ZNF33B: variants seen among roughly 807,000 people sequenced by gnomAD.
ZNF33B encodes the protein zinc finger protein 11b (KOX 2).
A neutral mutation model predicts 45.8 loss-of-function variants in ZNF33B; 29 were observed. The ratio of observed to expected loss-of-function variants is 0.63; its 90% CI spans 0.47 to 0.86. The LOEUF is 0.86. Among genes scored for constraint, ZNF33B ranks in the 40% least tolerant of loss-of-function variants. ZNF33B has a pLI of 0.00. For missense variants in ZNF33B, 831 were observed against 909.9 expected, an observed-to-expected ratio of 0.91 and a Z score of 1.12; for synonymous variants, 305 against 307.8, an observed-to-expected ratio of 0.99 and a Z score of 0.10.
At chr10:42,621,361 G>T (rs1838577854) in intron 4 of ZNF33B, among the ~76,000 whole-genome samples, 1 of 151,414 alleles carries the variant, frequency 6.6e-6, no homozygotes, top group African/African-American at 2.4e-5. Flanking sequence ...ATGAATAAAT[G>T]AATGAATGAA....
intron 1 of ZNF33B, chr10:42,581,559 GAAGGA>G (rs1836825656): frequency 6.6e-6 from 1 of 151,638 alleles, no homozygotes; most frequent in Non-Finnish European, 1.5e-5. Flanking sequence ...TGATGGTGCC[GAAGGA>G]AAGCACAAGA....
chr10:42,601,926 TTTTTG>T (rs1271102502), intron 4 of ZNF33B, among the ~76,000 whole-genome samples: 52 of 147,708 alleles, frequency 3.5e-4, no homozygotes, highest in African/African-American at 1.3e-3. Context: ...TTTTTTTTTT[TTTTTG>T]GGGGGAGACA....
At chr10:42,581,097 G>A (rs953284856) in intron 1 of ZNF33B, among the ~76,000 whole-genome samples, 4 of 152,030 alleles carry the variant, frequency 2.6e-5, no homozygotes, top group Non-Finnish European at 5.9e-5. Flanking sequence ...TGGGATACAG[G>A]GATCTGAGTT....
chr10:42,611,328 G>C (rs922736370), intron 4 of ZNF33B, among the ~76,000 whole-genome samples: 2 of 151,658 alleles, frequency 1.3e-5, no homozygotes, highest in Admixed American at 6.6e-5. Context: ...GTGACGGAGT[G>C]AGACTCCGTC....
At chr10:42,583,844 C>T (rs1408504311) in intron 1 of ZNF33B, among the ~76,000 whole-genome samples, 1 of 152,194 alleles carries the variant, frequency 6.6e-6, no homozygotes, top group East Asian at 1.9e-4. Context: ...CCTCTTACGT[C>T]TTCTGACATC....
chr10:42,595,131 A>G (rs1299397078), intron 4 of ZNF33B, among the ~76,000 whole-genome samples: 1 of 152,220 alleles, frequency 6.6e-6, no homozygotes, highest in African/African-American at 2.4e-5. Context: ...CCACTATGCA[A>G]TAGATATTCA....
chr10:42,581,815 G>T (rs189141270), intron 1 of ZNF33B: 1 of 152,162 alleles, frequency 6.6e-6, no homozygotes, highest in Non-Finnish European at 1.5e-5. Flanking sequence ...ACTAAGAAAT[G>T]ATTAAAAGCA....
At chr10:42,576,912 C>T (rs1483156483) in intron 1 of ZNF33B, among the ~76,000 whole-genome samples, 1 of 152,014 alleles carries the variant, frequency 6.6e-6, no homozygotes, top group East Asian at 1.9e-4. Context: ...GCGGCTGGAT[C>T]ACCTGAGGTT....
At chr10:42,620,880 C>T (rs1472179233) in intron 4 of ZNF33B, among the ~76,000 whole-genome samples, 4 of 151,962 alleles carry the variant, frequency 2.6e-5, no homozygotes, top group African/African-American at 4.8e-5. Context: ...TAAGCTGTTA[C>T]AAGAGACAAA....
chr10:42,636,751 C>G, intron 2 of ZNF33B, 169 bp downstream of exon 2: 1 of 829,994 alleles, frequency 1.2e-6, no homozygotes, highest in Admixed American at 2.6e-5. Flanking sequence ...ACCCAGGAGG[C>G]AGAGGTTGCA....
At chr10:42,637,155 T>C (rs1228234144) in intron 1 of ZNF33B, among the ~76,000 whole-genome samples, 183 bp from the exon 2 acceptor site, 1 of 152,126 alleles carries the variant, frequency 6.6e-6, no homozygotes, top group African/African-American at 2.4e-5. Context: ...CTAATACAAC[T>C]CCAACATAAC....
At chr10:42,637,507 A>G (rs1214992336) in intron 1 of ZNF33B, among the ~76,000 whole-genome samples, 2 of 152,212 alleles carry the variant, frequency 1.3e-5, no homozygotes. Context: ...TGTGTAGAAA[A>G]GTAGTACTGG....
chr10:42,634,748 C>G (rs1463414624), intron 2 of ZNF33B, among the ~76,000 whole-genome samples: 1 of 152,164 alleles, frequency 6.6e-6, no homozygotes, highest in Non-Finnish European at 1.5e-5. Context: ...AATCTGACAT[C>G]CACCTCATAC....
intron 2 of ZNF33B, among the ~76,000 whole-genome samples, chr10:42,636,575 A>G (rs1441193768): frequency 6.6e-6 from 1 of 152,168 alleles, no homozygotes; most frequent in Admixed American, 6.5e-5. Context: ...TAATCCCAAC[A>G]CTTTGGGAGG....
chr10:42,618,949 G>A (rs1564518917), intron 4 of ZNF33B, among the ~76,000 whole-genome samples: 1 of 152,116 alleles, frequency 6.6e-6, no homozygotes, highest in Non-Finnish European at 1.5e-5. Flanking sequence ...TAAAATGGCA[G>A]TTATTATTGT....
At chr10:42,583,375 C>A (rs531926197) in intron 1 of ZNF33B, 63 of 368,766 alleles carry the variant, frequency 1.7e-4, no homozygotes, top group South Asian at 1.6e-3. Flanking sequence ...AATCCAGAAT[C>A]TAGGTAAGTT....
intron 4 of ZNF33B, among the ~76,000 whole-genome samples, chr10:42,618,850 G>C (rs1316998785): frequency 2.0e-5 from 3 of 151,912 alleles, no homozygotes; most frequent in Non-Finnish European, 4.4e-5. Context: ...GTTTCCCAAG[G>C]TTTTGTTCAT....
intron 4 of ZNF33B, among the ~76,000 whole-genome samples, chr10:42,595,827 G>A (rs899407218): frequency 8.5e-5 from 13 of 152,110 alleles, no homozygotes; most frequent in Non-Finnish European, 1.2e-4. Flanking sequence ...TTGTCACCTT[G>A]ACTTTAGAAT....
chr10:42,618,677 A>G (rs551814129), intron 4 of ZNF33B, among the ~76,000 whole-genome samples: 2 of 152,300 alleles, frequency 1.3e-5, no homozygotes, highest in Admixed American at 1.3e-4. Context: ...GTCTCTTTGC[A>G]TTTATCCTCC....
Sources: gnomAD v4.1 joint callset for allele counts (sites outside exome capture counted in the v4.1 genomes callset) on GRCh38, gnomAD v4.1.1 for gene constraint, MANE v1.5 for transcripts, NCBI Gene and HGNC (gene_info 2026-07-23, HGNC 2026-07-21) for gene names.